Variants in NTNG1 observed in about 807,000 individuals in gnomAD.
The protein encoded by NTNG1 is netrin-G1.
Under a neutral mutation model 54.0 loss-of-function variants are expected in NTNG1, and 16 were observed. That is an observed-to-expected ratio of 0.30 (90% CI 0.20 to 0.45). The LOEUF is 0.45. Ranked by LOEUF, NTNG1 falls within the 20% of genes least tolerant of loss-of-function variation. The pLI is 1.00. For synonymous variants in NTNG1, 255 were observed against 263.1 expected, an observed-to-expected ratio of 0.97 and a Z score of 0.30; for missense variants, 530 against 678.7, an observed-to-expected ratio of 0.78 and a Z score of 2.43.
chr1:107,471,755 T>C (rs1677994403), intron 7 of NTNG1, among the ~76,000 whole-genome samples: 2 of 152,238 alleles, frequency 1.3e-5, no homozygotes, highest in Admixed American at 1.3e-4. Context: ...GCACAGATGC[T>C]GTCTTTGAGG....
chr1:107,163,953 T>G lies in NTNG1; in HGVS notation c.246+15114T>G, dbSNP rs368941642. 3.3e-5 allele frequency among the ~76,000 whole-genome samples: 5 copies of G among 152,224 alleles called. No individual in the cohort carries two copies. In the South Asian group the frequency reaches 8.3e-4, roughly 25 times the overall value. On this transcript the variant is annotated intron_variant, in intron 2 of 7. Coordinates refer to ENST00000370068, the MANE Select transcript of NTNG1 (RefSeq NM_001113226.3). ...TAAATCAATTATTTTGGCTGCCATA[T>G]TATCCATATTATCCCCTTCCTCAAA...
chr1:107,426,399 T>G (rs1000743192), intron 5 of NTNG1, among the ~76,000 whole-genome samples: 1 of 152,104 alleles, frequency 6.6e-6, no homozygotes, highest in African/African-American at 2.4e-5. Flanking sequence ...CGAGCCAGTT[T>G]TCTCAGCACT....
rs1020063801 is a variant in NTNG1 at position 107,148,761 on chromosome 1, C to T, written c.168C>T (p.Asp56=). ...DYMACQPEST[D]MTKYLKVKLD... ...TGGCCTGCCAGCCGGAATCCACGGA[C>T]ATGACAAAATATCTGAAAGTGAAAC... Residue 56 remains aspartate, a synonymous_variant, in exon 2 of 8, where the codon GAC becomes GAT. Transcript: ENST00000370068. 7 of 1,613,704 alleles carry T rather than the reference C, an allele frequency of 4.3e-6. No homozygotes were observed. Among genetic ancestry groups the T allele is most frequent in the Non-Finnish European group, 5.9e-6 (7 of 1,179,674 alleles).
intron 7 of NTNG1, among the ~76,000 whole-genome samples, chr1:107,476,048 A>G (rs1411010917): frequency 1.3e-5 from 2 of 152,226 alleles, no homozygotes; most frequent in African/African-American, 4.8e-5. Context: ...GTCAATCAAG[A>G]ACATGCAATG....
At chr1:107,356,320 G>A (rs1218495007) in intron 3 of NTNG1, among the ~76,000 whole-genome samples, 1 of 152,154 alleles carries the variant, frequency 6.6e-6, no homozygotes, top group East Asian at 1.9e-4. Context: ...TAGAGACAGA[G>A]TCTTGCTCTG....
intron 2 of NTNG1, among the ~76,000 whole-genome samples, chr1:107,256,523 A>G (rs774205135): frequency 6.6e-6 from 1 of 152,242 alleles, no homozygotes; most frequent in Non-Finnish European, 1.5e-5. Flanking sequence ...TAACATAAAG[A>G]GTATTCGAAG....
chr1:107,203,707 ATATC>A (rs1557806130), intron 2 of NTNG1, among the ~76,000 whole-genome samples: 2 of 151,468 alleles, frequency 1.3e-5, no homozygotes, highest in African/African-American at 4.8e-5. Context: ...TAATCTAAGA[ATATC>A]TATTTTTATT....
chr1:107,291,765 A>G (rs1165518577), intron 2 of NTNG1, among the ~76,000 whole-genome samples: 1 of 152,210 alleles, frequency 6.6e-6, no homozygotes, highest in Non-Finnish European at 1.5e-5. Flanking sequence ...TACATTTTCT[A>G]AATTCTATCT....
Position 107,168,220 on chromosome 1 carries a change from A to G in NTNG1, c.246+19381A>G, listed in dbSNP as rs537860158. ...CTCTTTTTCTTTTTTAAGGAAGTAC[A>G]TCATCAGCACAGGAAATCACTGGTA... On this transcript the variant is annotated intron_variant, in intron 2 of 7. Coordinates refer to ENST00000370068, the MANE Select transcript of NTNG1 (RefSeq NM_001113226.3). Among the ~76,000 whole-genome samples, 198 of 151,904 alleles carry G rather than the reference A, an allele frequency of 1.3e-3. 2 individuals carry two copies. The highest frequency in any genetic ancestry group is 4.7e-3 in the African/African-American group (195 of 41,444).
intron 2 of NTNG1, among the ~76,000 whole-genome samples, chr1:107,292,192 C>A (rs964648213): frequency 2.0e-5 from 3 of 152,146 alleles, no homozygotes; most frequent in African/African-American, 4.8e-5. Context: ...ACCTTTCTAG[C>A]AGACAGTTTA....
At chr1:107,165,492 T>C (rs931815898) in intron 2 of NTNG1, among the ~76,000 whole-genome samples, 1 of 152,206 alleles carries the variant, frequency 6.6e-6, no homozygotes, top group Non-Finnish European at 1.5e-5. Flanking sequence ...TTGTAGTAGG[T>C]AATTCTCCTT....
At position 107,481,177 on chromosome 1, in the gene NTNG1, A is replaced by C; in HGVS notation, c.*337A>C. 2.1e-5 allele frequency: 7 copies of C among 330,424 alleles called. No individual in the cohort carries two copies. Among genetic ancestry groups the C allele is most frequent in the Non-Finnish European group, 3.4e-5 (6 of 177,474 alleles). 20.5% of individuals were successfully genotyped at this position (330,424 alleles called of 1,614,324 possible). Reference sequence around the variant, plus strand: ...CAAACAAATCAACCGACCTAAAAACATTGGCTACTCTAGCGTGGTGCGCCC... The same window carrying C: ...CAAACAAATCAACCGACCTAAAAACCTTGGCTACTCTAGCGTGGTGCGCCC... On this transcript the variant is annotated 3_prime_UTR_variant, in exon 8 of 8. Transcript: ENST00000370068.
chr1:107,394,058 A>G, intron 3 of NTNG1, among the ~76,000 whole-genome samples: 1 of 149,636 alleles, frequency 6.7e-6, no homozygotes, highest in African/African-American at 2.4e-5. Flanking sequence ...CACACTGTCA[A>G]TCTCTCTCTC....
chr1:107,225,153 G>A (rs932613312), intron 2 of NTNG1, among the ~76,000 whole-genome samples: 6 of 152,072 alleles, frequency 3.9e-5, no homozygotes, highest in Non-Finnish European at 5.9e-5. Flanking sequence ...TTGCCACATA[G>A]CCAGAACATA....
At chr1:107,446,812 GC>G (rs1423007869) in intron 7 of NTNG1, among the ~76,000 whole-genome samples, 1 of 152,022 alleles carries the variant, frequency 6.6e-6, no homozygotes, top group African/African-American at 2.4e-5. Context: ...GGGAGAAAAG[GC>G]CTTCATAAAT....
chr1:107,288,001 T>G (rs1399713759), intron 2 of NTNG1, among the ~76,000 whole-genome samples: 1 of 152,088 alleles, frequency 6.6e-6, no homozygotes, highest in Non-Finnish European at 1.5e-5. Flanking sequence ...CACCTATCAT[T>G]TAGGAAGATT....
At chr1:107,322,514 T>A (rs538253949) in intron 2 of NTNG1, among the ~76,000 whole-genome samples, 17 of 152,234 alleles carry the variant, frequency 1.1e-4, no homozygotes, top group African/African-American at 4.1e-4. Flanking sequence ...TTATAAATCC[T>A]GACAGATTCC....
At chr1:107,311,802 CA>C (rs150318728) in intron 2 of NTNG1, among the ~76,000 whole-genome samples, 22 of 151,858 alleles carry the variant, frequency 1.4e-4, no homozygotes, top group Admixed American at 3.9e-4. Flanking sequence ...AGGAGAGATA[CA>C]AAAAAAATCA....
rs547068593 is a variant in NTNG1, at chr1:107,385,629, C to A, written c.888-9525C>A. Among the ~76,000 whole-genome samples, 72 of 151,796 alleles carry A rather than the reference C, an allele frequency of 4.7e-4. 2 individuals are homozygous for A. The highest frequency in any genetic ancestry group is 1.7e-3 in the African/African-American group (70 of 41,402). ...AAAAGATTATATATCAGTTACCAGTCTTGGCCTCATTGTGTCATATCATTT... is the reference window on the plus strand; with the variant it reads ...AAAAGATTATATATCAGTTACCAGTATTGGCCTCATTGTGTCATATCATTT... On this transcript the variant is annotated intron_variant, in intron 3 of 7. Transcript: ENST00000370068.
Sources: allele counts gnomAD v4.1 joint callset (sites outside exome capture counted in the v4.1 genomes callset), GRCh38; gene constraint gnomAD v4.1.1; transcripts MANE v1.5; gene names NCBI Gene and HGNC (gene_info 2026-07-23, HGNC 2026-07-21).